CNTNAP4: variants seen among roughly 807,000 people sequenced by gnomAD.
CNTNAP4 encodes contactin-associated protein-like 4.
Under a neutral mutation model 148.4 loss-of-function variants are expected in CNTNAP4, and 98 were observed. That is an observed-to-expected ratio of 0.66 (90% CI 0.56 to 0.78). The LOEUF is 0.78. Among genes scored for constraint, CNTNAP4 ranks in the 30% least tolerant of loss-of-function variants. CNTNAP4 has a pLI of 0.00. For missense variants in CNTNAP4, 1,935 were observed against 1,565.6 expected (o/e 1.24, Z -3.98); for synonymous variants, 730 against 565.1 (o/e 1.29, Z -4.14).
intron 1 of CNTNAP4, among the ~76,000 whole-genome samples, chr16:76,284,299 G>A (rs377074981): frequency 6.6e-6 from 1 of 152,002 alleles, no homozygotes; most frequent in African/African-American, 2.4e-5. Flanking sequence ...GGGTATTTCA[G>A]TTAGGAATAT....
chr16:76,528,799 A>G (rs961810570), intron 17 of CNTNAP4, among the ~76,000 whole-genome samples: 2 of 152,218 alleles, frequency 1.3e-5, no homozygotes, highest in African/African-American at 4.8e-5. Context: ...GTTGGGCAGC[A>G]GTTATATATG....
At chr16:76,293,166 C>G (rs1306357195) in intron 1 of CNTNAP4, among the ~76,000 whole-genome samples, 1 of 151,672 alleles carries the variant, frequency 6.6e-6, no homozygotes, top group Non-Finnish European at 1.5e-5. Flanking sequence ...CACTCTGTTG[C>G]CAGGCTGGAG....
chr16:76,422,670 A>G (rs1465452004), intron 3 of CNTNAP4, among the ~76,000 whole-genome samples: 1 of 152,110 alleles, frequency 6.6e-6, no homozygotes, highest in Non-Finnish European at 1.5e-5. Flanking sequence ...TTGCTCTGCC[A>G]CTTTCTAGCT....
intron 9 of CNTNAP4, among the ~76,000 whole-genome samples, chr16:76,462,495 C>T (rs1449444499): frequency 1.3e-5 from 2 of 152,182 alleles, no homozygotes; most frequent in Non-Finnish European, 2.9e-5. Flanking sequence ...TGCTTCCCTA[C>T]TGTCCAGTAC....
intron 15 of CNTNAP4, among the ~76,000 whole-genome samples, chr16:76,504,063 T>A (rs575528926): frequency 6.6e-6 from 1 of 152,196 alleles, no homozygotes; most frequent in Admixed American, 6.5e-5. Context: ...TCCAGCAATC[T>A]CTTTTTTGGG....
intron 23 of CNTNAP4, chr16:76,557,895 T>G (rs1465594633): frequency 1.3e-5 from 2 of 152,222 alleles, no homozygotes; most frequent in Non-Finnish European, 2.9e-5. Context: ...CCAGCGTTGG[T>G]AACCATTGAC....
chr16:76,302,159 A>T (rs1222687086), intron 1 of CNTNAP4, among the ~76,000 whole-genome samples: 2 of 152,308 alleles, frequency 1.3e-5, no homozygotes, highest in East Asian at 3.9e-4. Flanking sequence ...CGAGGCCTTC[A>T]GCTACCATGG....
chr16:76,345,646 C>T (rs1468054021), intron 2 of CNTNAP4, among the ~76,000 whole-genome samples: 5 of 152,110 alleles, frequency 3.3e-5, no homozygotes, highest in Admixed American at 6.6e-5. Context: ...TCCTACCCTC[C>T]CACAGAGCCT....
rs2080989052 is a variant in CNTNAP4, at chr16:76,462,027, G to A, written c.1405G>A (p.Val469Met). 2 of 1,613,842 alleles carry A rather than the reference G, an allele frequency of 1.2e-6. No homozygotes were observed. The highest frequency in any genetic ancestry group is 1.7e-6 in the Non-Finnish European group (2 of 1,179,790). The change falls in exon 9 of 24, where the codon GTG (valine) becomes ATG (methionine). Residue 469 changes from valine (V) to methionine (M), a missense_variant. Physicochemically the swap from Val to Met is conservative, Grantham distance 21. Transcript: ENST00000611870. Reference sequence around the variant, plus strand: ...TAAAAAGAATCACTTGAGTGTGGCGGTGGACGGCCAGATGGCTTCTGCTGC... The same window carrying A: ...TAAAAAGAATCACTTGAGTGTGGCGATGGACGGCCAGATGGCTTCTGCTGC... ...SAKKNHLSVA[V>M]DGQMASAAPL...
chr16:76,503,014 C>G (rs1441943035), intron 15 of CNTNAP4, among the ~76,000 whole-genome samples: 1 of 151,984 alleles, frequency 6.6e-6, no homozygotes, highest in Admixed American at 6.6e-5. Context: ...TTTTTCAAAG[C>G]TTTCTTTTCG....
intron 17 of CNTNAP4, among the ~76,000 whole-genome samples, chr16:76,528,893 A>T (rs1015144568): frequency 1.1e-4 from 16 of 152,362 alleles, no homozygotes; most frequent in African/African-American, 3.8e-4. Flanking sequence ...AGCAATACAG[A>T]TCAGAAGGCT....
rs2080993032 is a variant in CNTNAP4, at chr16:76,462,092, CTAT to C, written c.1475_1477del (p.Tyr492del). ...CTGAGCAGATTTATTCGGGTGGCAC[CTAT>C]TATTTTGGAGGTAAGAATAGGTGCC... On this transcript the variant is annotated inframe_deletion, in exon 9 of 24. Coordinates refer to ENST00000611870, the MANE Select transcript of CNTNAP4 (RefSeq NM_033401.5). 4 of 1,613,032 alleles carry C rather than the reference CTAT, an allele frequency of 2.5e-6. No individual in the cohort carries two copies. The African/African-American group carries it at 5.3e-5, about 22-fold the overall frequency.
At chr16:76,532,491 T>G (rs1226457989) in intron 17 of CNTNAP4, among the ~76,000 whole-genome samples, 3 of 152,188 alleles carry the variant, frequency 2.0e-5, no homozygotes, top group Non-Finnish European at 2.9e-5. Context: ...TTAGTTACGT[T>G]GTTACTGGCA....
chr16:76,390,087 G>A (rs1038734174), intron 3 of CNTNAP4, among the ~76,000 whole-genome samples: 1 of 152,130 alleles, frequency 6.6e-6, no homozygotes, highest in Admixed American at 6.5e-5. Context: ...TCCATCAGAG[G>A]AGCAAGGGAG....
intron 1 of CNTNAP4, among the ~76,000 whole-genome samples, chr16:76,296,425 T>C (rs1464874191): frequency 6.6e-6 from 1 of 152,180 alleles, no homozygotes; most frequent in Non-Finnish European, 1.5e-5. Context: ...GAAAGATACA[T>C]TTAGGGCTTA....
chr16:76,520,178 T>C (rs530057740), intron 15 of CNTNAP4, among the ~76,000 whole-genome samples: 2 of 152,200 alleles, frequency 1.3e-5, no homozygotes, highest in East Asian at 3.9e-4. Flanking sequence ...CAGCAGACAA[T>C]ACAGAGTTTG....
intron 8 of CNTNAP4, among the ~76,000 whole-genome samples, chr16:76,459,764 A>C (rs920390948): frequency 6.6e-6 from 1 of 152,208 alleles, no homozygotes; most frequent in Non-Finnish European, 1.5e-5. Flanking sequence ...AGAGTTGACT[A>C]TTCAAATGGA....
intron 2 of CNTNAP4, among the ~76,000 whole-genome samples, chr16:76,321,141 C>T (rs1597183535): frequency 6.6e-6 from 1 of 152,174 alleles, no homozygotes; most frequent in East Asian, 1.9e-4. Context: ...CTACACCCTT[C>T]TATTCTAAAT....
intron 3 of CNTNAP4, among the ~76,000 whole-genome samples, chr16:76,367,836 C>T (rs753433114): frequency 3.9e-5 from 6 of 152,152 alleles, no homozygotes; most frequent in South Asian, 2.1e-4. Flanking sequence ...TCTTACATTA[C>T]ATTAGTGATG....
Sources: gnomAD v4.1 joint callset for allele counts (sites outside exome capture counted in the v4.1 genomes callset) on GRCh38, gnomAD v4.1.1 for gene constraint, MANE v1.5 for transcripts, NCBI Gene and HGNC (gene_info 2026-07-23, HGNC 2026-07-21) for gene names.